The following DAPP1 variants were observed in gnomAD, a reference collection of about 807,000 sequenced individuals.
The protein encoded by DAPP1 is dual adapter for phosphotyrosine and 3-phosphotyrosine and 3-phosphoinositide.
A neutral mutation model predicts 41.5 loss-of-function variants in DAPP1; 20 were observed. That is an observed-to-expected ratio of 0.48 (90% CI 0.34 to 0.70). The LOEUF (loss-of-function observed/expected upper bound fraction) is 0.70. Ranked by LOEUF, DAPP1 falls within the 30% of genes least tolerant of loss-of-function variation. The probability of loss-of-function intolerance (pLI) is 0.01; values close to 1 mark genes in which losing one functional copy is unlikely to be tolerated. For synonymous variants in DAPP1, 113 were observed against 116.2 expected (o/e 0.97, Z 0.18); for missense variants, 233 against 333.4 (o/e 0.70, Z 2.35).
intron 1 of DAPP1, among the ~76,000 whole-genome samples, chr4:99,831,093 A>G (rs1175868295): frequency 6.6e-6 from 1 of 152,210 alleles, no homozygotes; most frequent in Non-Finnish European, 1.5e-5. Context: ...TATATTTTTA[A>G]AACTCTTATT....
intron 8 of DAPP1, among the ~76,000 whole-genome samples, chr4:99,867,299 T>A (rs916598052): frequency 5.3e-5 from 8 of 152,198 alleles, no homozygotes; most frequent in Non-Finnish European, 1.2e-4. Context: ...TTTCTATTTT[T>A]AATTATCAAA....
At chr4:99,834,749 A>G (rs1244120654) in intron 1 of DAPP1, among the ~76,000 whole-genome samples, 1 of 152,216 alleles carries the variant, frequency 6.6e-6, no homozygotes, top group East Asian at 1.9e-4. Flanking sequence ...CTGCTATAAC[A>G]AAGAACCACA....
chr4:99,827,879 G>A (rs56212993), intron 1 of DAPP1, among the ~76,000 whole-genome samples: 9,066 of 152,232 alleles, frequency 0.06, 382 homozygotes, highest in Middle Eastern at 0.15. Context: ...GAAGATGATG[G>A]AAAGAGAAGA....
rs183329877 is a variant in DAPP1, at chr4:99,839,559, C to T, written c.225-730C>T. On this transcript the variant is annotated intron_variant, in intron 2 of 8. Transcript: ENST00000512369. Reference sequence around the variant, plus strand: ...GGCTAGGCTCACGTAACTAATCAAGCGACAGAGCTGAATTCTGATTGACTC... The same window carrying T: ...GGCTAGGCTCACGTAACTAATCAAGTGACAGAGCTGAATTCTGATTGACTC... Among the ~76,000 whole-genome samples the T allele has an allele frequency of 5.5e-4, 83 of 152,116 alleles. No individual in the cohort carries two copies. The East Asian group carries it at 9.8e-3, about 18-fold the overall frequency.
intron 3 of DAPP1, among the ~76,000 whole-genome samples, chr4:99,850,320 G>C (rs1252705062): frequency 2.0e-5 from 3 of 152,176 alleles, no homozygotes; most frequent in Middle Eastern, 3.4e-3. Flanking sequence ...AGAGGCAGGA[G>C]AATCGCTTGA....
Position 99,868,266 on chromosome 4 carries a change from A to G in DAPP1, c.*81A>G. 8.0e-7 allele frequency: 1 copy of G among 1,245,006 alleles called. No individual in the cohort carries two copies. Among genetic ancestry groups the G allele is most frequent in the Non-Finnish European group, 1.2e-6 (1 of 852,726 alleles). The allele number at this position is 1,245,006 out of a possible 1,614,324, so 77.1% of individuals were successfully genotyped here. On this transcript the variant is annotated 3_prime_UTR_variant, in exon 9 of 9. Coordinates refer to ENST00000512369, the MANE Select transcript of DAPP1 (RefSeq NM_014395.3). Reference sequence around the variant, plus strand: ...CGCTGTGATCTGCAGCAGGCTTCAAATGAAAACCGACTAAGGATTTTCTTT... The same window carrying G: ...CGCTGTGATCTGCAGCAGGCTTCAAGTGAAAACCGACTAAGGATTTTCTTT...
chr4:99,863,149 T>G, intron 6 of DAPP1, 77 bp downstream of exon 6: 3 of 886,412 alleles, frequency 3.4e-6, no homozygotes, highest in Non-Finnish European at 5.0e-6. Context: ...TTAAAATCTC[T>G]GAAATTATTT....
chr4:99,838,612 A>C (rs1238940980), intron 2 of DAPP1, among the ~76,000 whole-genome samples: 1 of 152,132 alleles, frequency 6.6e-6, no homozygotes, highest in African/African-American at 2.4e-5. Flanking sequence ...CAGGCTCCTG[A>C]GACTCTAATG....
chr4:99,829,823 C>T (rs1391916829), intron 1 of DAPP1, among the ~76,000 whole-genome samples: 7 of 152,100 alleles, frequency 4.6e-5, no homozygotes, highest in African/African-American at 1.7e-4. Flanking sequence ...AAATACCAGA[C>T]AGCAAAAATA....
At chr4:99,860,300 C>A (rs1724194358) in intron 4 of DAPP1, among the ~76,000 whole-genome samples, 1 of 152,146 alleles carries the variant, frequency 6.6e-6, no homozygotes. Context: ...TGGGATTATT[C>A]CCTAGCTTGA....
rs1401858159 is a variant in DAPP1, at chr4:99,835,812, C to T, written c.224+67C>T. On this transcript the variant is annotated intron_variant, in intron 2 of 8. Coordinates refer to ENST00000512369, the MANE Select transcript of DAPP1 (RefSeq NM_014395.3). ...CTGTCACTTACTGACTTTATCATCA[C>T]TCAAATTGCCAGACAGCAAAACTTC... 5 of 1,570,518 alleles carry T rather than the reference C, an allele frequency of 3.2e-6. No homozygotes were observed. The African/African-American group carries it at 5.5e-5, about 17-fold the overall frequency.
At chr4:99,859,187 A>G (rs1418479257) in intron 4 of DAPP1, among the ~76,000 whole-genome samples, 1 of 151,872 alleles carries the variant, frequency 6.6e-6, no homozygotes, top group East Asian at 1.9e-4. Flanking sequence ...AAGTGCTGGG[A>G]TTATAGTTGT....
downstream of DAPP1, among the ~76,000 whole-genome samples, chr4:99,871,565 G>A (rs568848916): frequency 6.6e-6 from 1 of 152,290 alleles, no homozygotes; most frequent in South Asian, 2.1e-4. Context: ...ATTGTTGTAA[G>A]TTTTTCAACA....
At chr4:99,823,265 A>AT (rs1289467084) in intron 1 of DAPP1, among the ~76,000 whole-genome samples, 1 of 152,038 alleles carries the variant, frequency 6.6e-6, no homozygotes, top group East Asian at 1.9e-4. Flanking sequence ...CATTGATGCT[A>AT]TTTTTCTACT....
intron 3 of DAPP1, among the ~76,000 whole-genome samples, chr4:99,841,051 A>G (rs1238740569): frequency 6.6e-6 from 1 of 152,204 alleles, no homozygotes; most frequent in Non-Finnish European, 1.5e-5. Flanking sequence ...TATTTATATT[A>G]TTTTAATGAA....
chr4:99,820,647 G>A (rs913341323), intron 1 of DAPP1, among the ~76,000 whole-genome samples: 1 of 152,166 alleles, frequency 6.6e-6, no homozygotes, highest in East Asian at 1.9e-4. Context: ...TATAAGAGAA[G>A]TTTAGAGTAG....
chr4:99,827,997 C>G (rs755227413), intron 1 of DAPP1, among the ~76,000 whole-genome samples: 1 of 152,190 alleles, frequency 6.6e-6, no homozygotes, highest in Non-Finnish European at 1.5e-5. Context: ...CAAAAAATGG[C>G]AATTCATTGT....
chr4:99,839,960 G>T lies in DAPP1; in HGVS notation c.225-329G>T, dbSNP rs191250769. 1.6e-3 allele frequency among the ~76,000 whole-genome samples: 248 copies of T among 152,344 alleles called. 1 individual carries two copies. Among genetic ancestry groups the T allele is most frequent in the African/African-American group, 5.8e-3 (243 of 41,578 alleles). Reference sequence around the variant, plus strand: ...ACCTATAATCCCAGATACTCAGGAGGCTGAGGCCAGAGAATCACTTGAATC... The same window carrying T: ...ACCTATAATCCCAGATACTCAGGAGTCTGAGGCCAGAGAATCACTTGAATC... On this transcript the variant is annotated intron_variant, in intron 2 of 8. Transcript: ENST00000512369.
In DAPP1 at chr4:99,835,735, C is replaced by G. The variant is rs752528304; in HGVS notation, c.214C>G (p.Leu72Val). 6.2e-7 allele frequency: 1 copy of G among 1,613,758 alleles called. No homozygotes were observed. Among genetic ancestry groups the G allele is most frequent in the African/African-American group, 1.3e-5 (1 of 74,936 alleles). ...DSNETTGLYS[L>V]SVRAKDSVKH... The stretch of plus-strand genomic sequence containing the variant: ...CAATGAGACCACCGGGCTGTACTCT[C>G]TCTCTGTGAGGTAAGGTGCTTCAGG... The change falls in exon 2 of 9, where the codon CTC becomes GTC. Residue 72 changes from leucine to valine, a missense_variant. Physicochemically the swap from Leu to Val is conservative, Grantham distance 32 (BLOSUM62 1). Coordinates refer to ENST00000512369, the MANE Select transcript of DAPP1 (RefSeq NM_014395.3).
Sources: gnomAD v4.1 joint callset for allele counts (sites outside exome capture counted in the v4.1 genomes callset) on GRCh38, gnomAD v4.1.1 for gene constraint, MANE v1.5 for transcripts, NCBI Gene and HGNC (gene_info 2026-07-23, HGNC 2026-07-21) for gene names.